The following PLA2G4A variants were observed in gnomAD, a reference collection of about 807,000 sequenced individuals.
The protein encoded by PLA2G4A is phospholipase A2 group IVA.
PLA2G4A carries 40 observed loss-of-function variants against 81.9 expected under a neutral mutation model. The ratio of observed to expected loss-of-function variants is 0.49; its 90% confidence interval spans 0.38 to 0.64. The LOEUF (loss-of-function observed/expected upper bound fraction) is 0.64. PLA2G4A is among the 30% of genes least tolerant of loss of function. PLA2G4A has a pLI of 0.00. For synonymous variants in PLA2G4A, 302 were observed against 296.9 expected, an observed-to-expected ratio of 1.02 and a Z score of -0.18; for missense variants, 715 against 905.1, an observed-to-expected ratio of 0.79 and a Z score of 2.69.
intron 7 of PLA2G4A, among the ~76,000 whole-genome samples, chr1:186,923,746 A>G (rs1655445149): frequency 6.6e-6 from 1 of 152,204 alleles, no homozygotes; most frequent in Admixed American, 6.5e-5. Flanking sequence ...GGAAATTCAT[A>G]TTTCTTGTAA....
intron 15 of PLA2G4A, among the ~76,000 whole-genome samples, chr1:186,973,985 T>A (rs1038236821): frequency 4.6e-5 from 7 of 152,008 alleles, no homozygotes; most frequent in African/African-American, 1.7e-4. Flanking sequence ...CACATATTCT[T>A]GGTTTGCATA....
chr1:186,845,031 G>A (rs1448872418), intron 1 of PLA2G4A, among the ~76,000 whole-genome samples: 1 of 152,072 alleles, frequency 6.6e-6, no homozygotes, highest in African/African-American at 2.4e-5. Flanking sequence ...CCAACATGGT[G>A]AAAACCCATG....
At chr1:186,887,504 T>C (rs1418929852) in intron 3 of PLA2G4A, among the ~76,000 whole-genome samples, 1 of 152,158 alleles carries the variant, frequency 6.6e-6, no homozygotes, top group Non-Finnish European at 1.5e-5. Flanking sequence ...AAAAAAGATC[T>C]GTATTCCACA....
chr1:186,957,935 A>T (rs1656811684), intron 14 of PLA2G4A, among the ~76,000 whole-genome samples: 2 of 152,204 alleles, frequency 1.3e-5, no homozygotes, highest in African/African-American at 2.4e-5. Flanking sequence ...TTTTGATTAG[A>T]TGCAGTAAAA....
intron 14 of PLA2G4A, among the ~76,000 whole-genome samples, chr1:186,959,007 T>C (rs898008646): frequency 2.6e-5 from 4 of 152,210 alleles, no homozygotes; most frequent in African/African-American, 9.7e-5. Flanking sequence ...TCCTGTATTT[T>C]TTTAGCTAAA....
At chr1:186,875,800 G>T (rs1653475434) in intron 3 of PLA2G4A, among the ~76,000 whole-genome samples, 1 of 152,038 alleles carries the variant, frequency 6.6e-6, no homozygotes, top group South Asian at 2.1e-4. Context: ...CCTGCAAAGA[G>T]CTTTGGTTCC....
At chr1:186,930,806 C>G (rs1655715451) in intron 7 of PLA2G4A, among the ~76,000 whole-genome samples, 1 of 152,104 alleles carries the variant, frequency 6.6e-6, no homozygotes, top group Non-Finnish European at 1.5e-5. Context: ...TAATATACAC[C>G]TGCTACAATA....
chr1:186,837,736 C>CAAAAAAAAAAAAAAAAAAAAAAAAAAAAA (rs750655561), intron 1 of PLA2G4A, among the ~76,000 whole-genome samples: 1 of 55,216 alleles, frequency 1.8e-5, no homozygotes, highest in African/African-American at 7.7e-5. Context: ...GACTCCGTCT[C>CAAAAAAAAAAAAAAAAAAAAAAAAAAAAA]AAAAAAAAAA....
In PLA2G4A at chr1:186,965,391, T is replaced by G; in HGVS notation, c.1580-18T>G. 6.5e-7 allele frequency: 1 copy of G among 1,537,182 alleles called. No individual in the cohort carries two copies. The highest frequency in any genetic ancestry group is 2.2e-5 in the East Asian group (1 of 44,522). ...ATGATCATTTAATTCATTCTTGTTTTTCTTTTATGTTTTTAAGATCCTGAT... is the reference window on the plus strand; with the variant it reads ...ATGATCATTTAATTCATTCTTGTTTGTCTTTTATGTTTTTAAGATCCTGAT... On this transcript the variant is annotated intron_variant, in intron 14 of 17. Transcript: ENST00000367466.
intron 7 of PLA2G4A, among the ~76,000 whole-genome samples, chr1:186,928,482 C>T (rs1655629107): frequency 1.3e-5 from 2 of 152,134 alleles, no homozygotes; most frequent in South Asian, 4.1e-4. Flanking sequence ...AGCAGACTTC[C>T]CTTGGGCTTC....
chr1:186,946,809 G>A (rs1656362313), intron 11 of PLA2G4A, 35 bp downstream of exon 11: 1 of 1,598,986 alleles, frequency 6.3e-7, no homozygotes, highest in African/African-American at 1.3e-5. Context: ...TCATTGACTT[G>A]CTTGACTATT....
intron 3 of PLA2G4A, among the ~76,000 whole-genome samples, chr1:186,879,015 T>G (rs1186661612): frequency 6.6e-6 from 1 of 151,884 alleles, no homozygotes; most frequent in African/African-American, 2.4e-5. Context: ...TATTTTAGTA[T>G]ATCTTAATAT....
intron 2 of PLA2G4A, among the ~76,000 whole-genome samples, chr1:186,869,086 C>T (rs1653144789): frequency 6.6e-6 from 1 of 151,544 alleles, no homozygotes; most frequent in East Asian, 1.9e-4. Context: ...TTAATTTGCT[C>T]TTTTTTTTCC....
chr1:186,985,367 A>T (rs2102307623), intron 17 of PLA2G4A, among the ~76,000 whole-genome samples: 1 of 152,316 alleles, frequency 6.6e-6, no homozygotes, highest in South Asian at 2.1e-4. Context: ...ATAAAAAAAA[A>T]TGCAAGCCTG....
chr1:186,950,544 G>A, intron 12 of PLA2G4A, 113 bp from the exon 13 acceptor site: 2 of 643,084 alleles, frequency 3.1e-6, no homozygotes, highest in Non-Finnish European at 2.9e-6. Context: ...ATTTATACTA[G>A]TAGAGCTAGT....
chr1:186,928,610 T>C (rs1193367103), intron 7 of PLA2G4A, among the ~76,000 whole-genome samples: 1 of 152,194 alleles, frequency 6.6e-6, no homozygotes, highest in Non-Finnish European at 1.5e-5. Context: ...TTTCTGTATA[T>C]CTACTCATCC....
At chr1:186,849,404 C>T (rs545880208) in intron 1 of PLA2G4A, among the ~76,000 whole-genome samples, 9 of 152,142 alleles carry the variant, frequency 5.9e-5, no homozygotes, top group Admixed American at 5.9e-4. Context: ...ACCAAATATA[C>T]TTTGAAGGTC....
At chr1:186,862,917 T>G (rs1652868349) in intron 2 of PLA2G4A, among the ~76,000 whole-genome samples, 1 of 152,188 alleles carries the variant, frequency 6.6e-6, no homozygotes, top group African/African-American at 2.4e-5. Context: ...AGTATTGAGG[T>G]AGGAAAAGGC....
intron 1 of PLA2G4A, among the ~76,000 whole-genome samples, chr1:186,845,823 C>T (rs570372792): frequency 6.6e-6 from 1 of 152,238 alleles, no homozygotes; most frequent in African/African-American, 2.4e-5. Context: ...TCATTGAATG[C>T]CAACAGTTAC....
Sources: gnomAD v4.1 joint callset for allele counts (sites outside exome capture counted in the v4.1 genomes callset) on GRCh38, gnomAD v4.1.1 for gene constraint, MANE v1.5 for transcripts, NCBI Gene and HGNC (gene_info 2026-07-23, HGNC 2026-07-21) for gene names.